Variants in SLC41A3 observed in about 807,000 individuals in gnomAD.
The protein encoded by SLC41A3 is SLC41A1-like 2.
In SLC41A3, 44 loss-of-function variants were observed where a neutral mutation model predicts 45.4. That is an observed-to-expected ratio of 0.97 (90% CI 0.76 to 1.25). The LOEUF is 1.25. SLC41A3 is among the 50% of genes most tolerant of loss of function. The pLI is 0.00. For synonymous variants in SLC41A3, 256 were observed against 252.4 expected (o/e 1.01, Z -0.13); for missense variants, 550 against 600.6 (o/e 0.92, Z 0.88).
At chr3:126,045,356 CAA>C (rs35447492) in intron 3 of SLC41A3, among the ~76,000 whole-genome samples, 94,346 of 145,450 alleles carry the variant, frequency 0.65, 31,358 homozygotes, top group East Asian at 0.81. Context: ...ATTGGTTCCT[CAA>C]AAAAAAAAAA....
intron 1 of SLC41A3, among the ~76,000 whole-genome samples, chr3:126,083,524 C>T (rs1274341093): frequency 6.6e-6 from 1 of 152,134 alleles, no homozygotes. Flanking sequence ...AGGTTTTCTT[C>T]ACCAGAGGTT....
intron 2 of SLC41A3, among the ~76,000 whole-genome samples, chr3:126,060,309 C>T (rs180689710): frequency 3.5e-4 from 54 of 152,234 alleles, no homozygotes; most frequent in Non-Finnish European, 6.2e-4. Context: ...ATCCCAGCTA[C>T]TCGGGAGGCT....
intron 1 of SLC41A3, among the ~76,000 whole-genome samples, chr3:126,082,876 G>A (rs551145508): frequency 2.6e-5 from 4 of 152,330 alleles, no homozygotes; most frequent in East Asian, 1.9e-4. Context: ...CAGGGAGGCC[G>A]CCAGGACCTC....
rs368411425 is a variant in SLC41A3, at chr3:126,068,106, T to G, written c.114A>C (p.Gly38=). 24 of 1,613,448 alleles carry G rather than the reference T, an allele frequency of 1.5e-5. No individual in the cohort carries two copies. Among genetic ancestry groups the G allele is most frequent in the Non-Finnish European group, 2.0e-5 (24 of 1,179,820 alleles). ...TTTGGCTCTCAGGGGCCCTGAGAGC[T>G]CCATCTTCTGAGGCTACAGGGAGTC... The part of the protein sequence containing the change: ...TGGLPVASED[G]ALRAPESQSV... The change falls in exon 2 of 11, where the codon GGA becomes GGC. Residue 38 remains glycine, a synonymous_variant. Coordinates refer to ENST00000360370, the MANE Select transcript of SLC41A3 (RefSeq NM_017836.4).
intron 6 of SLC41A3, among the ~76,000 whole-genome samples, chr3:126,022,036 A>C (rs1261360239): frequency 6.6e-6 from 1 of 152,206 alleles, no homozygotes; most frequent in Non-Finnish European, 1.5e-5. Flanking sequence ...TGACTGAAGC[A>C]AACAACACAC....
At chr3:126,080,281 G>C (rs1945085567) in intron 1 of SLC41A3, among the ~76,000 whole-genome samples, 1 of 152,000 alleles carries the variant, frequency 6.6e-6, no homozygotes. Flanking sequence ...ATAACCCACA[G>C]AATGGAAGAA....
intron 2 of SLC41A3, chr3:126,056,636 C>T (rs551286398): frequency 6.9e-5 from 104 of 1,500,394 alleles, no homozygotes; most frequent in South Asian, 2.3e-4. Context: ...CACACCAGGA[C>T]GCTGTTCCCA....
At position 126,007,044 on chromosome 3, in the gene SLC41A3, A is replaced by G; in HGVS notation, c.1436T>C (p.Ile479Thr). The G allele has an allele frequency of 6.2e-7, 1 of 1,614,186 alleles. No homozygotes were observed. The highest frequency in any genetic ancestry group is 1.1e-5 in the South Asian group (1 of 91,082). ...GGGAGGTCCAGATGCCAGTTCTGAG[A>G]TGCCACCCAGCTCTGCCTTGCTCTT... ...LLKSKAELGG[I>T]SELASGPP The change falls in exon 11 of 11, where the codon ATC (isoleucine) becomes ACC (threonine). Residue 479 changes from isoleucine to threonine, a missense_variant. Ile to Thr is a moderately conservative substitution (Grantham distance 89). Coordinates refer to ENST00000360370, the MANE Select transcript of SLC41A3 (RefSeq NM_017836.4).
chr3:126,056,283 C>T (rs1943653149), intron 2 of SLC41A3: 1 of 1,552,108 alleles, frequency 6.4e-7, no homozygotes, highest in Non-Finnish European at 8.8e-7. Flanking sequence ...TGTCTCCAGC[C>T]TGCCCTGTCT....
Position 126,050,962 on chromosome 3 carries a change from G to A in SLC41A3, c.362C>T (p.Ala121Val). The change falls in exon 3 of 11, where the codon GCA (alanine) becomes GTA (valine). Residue 121 changes from alanine (A) to valine (V), a missense_variant. Physicochemically the swap from Ala to Val is moderately conservative, Grantham distance 64 (BLOSUM62 0). Transcript: ENST00000360370. ...GLKGNLEMTL[A>V]SRLSTAANTG... The stretch of plus-strand genomic sequence containing the variant: ...ACTTACAGCTGTGGAGAGTCTGGAT[G>A]CCAGTGTCATCTCCAGGTTCCCCTT... The A allele has an allele frequency of 6.2e-7, 1 of 1,612,728 alleles. No individual in the cohort carries two copies. Among genetic ancestry groups the A allele is most frequent in the Non-Finnish European group, 8.5e-7 (1 of 1,179,410 alleles).
At chr3:126,098,017 A>G (rs997587341) in intron 1 of SLC41A3, among the ~76,000 whole-genome samples, 6 of 152,374 alleles carry the variant, frequency 3.9e-5, no homozygotes, top group Admixed American at 2.0e-4. Flanking sequence ...TAGCTTGGCA[A>G]AGAGCTGCTA....
chr3:126,006,367 T>C lies in SLC41A3; in HGVS notation c.*649A>G, dbSNP rs778666307. 1.3e-6 allele frequency: 2 copies of C among 1,580,164 alleles called. No homozygotes were observed. Among genetic ancestry groups the C allele is most frequent in the Non-Finnish European group, 1.7e-6 (2 of 1,157,402 alleles). ...TAAAGACATAAAGGGTCAAGTACAATATAATCTGTTTTATTTTACACTTCT... is the reference window on the plus strand; with the variant it reads ...TAAAGACATAAAGGGTCAAGTACAACATAATCTGTTTTATTTTACACTTCT... On this transcript the variant is annotated 3_prime_UTR_variant, in exon 11 of 11. Transcript: ENST00000360370.
At chr3:126,081,814 G>A (rs1945167548) in intron 1 of SLC41A3, among the ~76,000 whole-genome samples, 2 of 152,240 alleles carry the variant, frequency 1.3e-5, no homozygotes, top group Non-Finnish European at 2.9e-5. Context: ...CAGTCTTGGT[G>A]AGTCACTCAC....
chr3:126,068,848 G>A (rs1050926566), intron 1 of SLC41A3, among the ~76,000 whole-genome samples: 1 of 152,094 alleles, frequency 6.6e-6, no homozygotes, highest in Admixed American at 6.5e-5. Context: ...GGAGATCCCT[G>A]GAAGACCCCA....
intron 2 of SLC41A3, among the ~76,000 whole-genome samples, chr3:126,059,303 A>AAGG (rs1559870054): frequency 1.7e-4 from 20 of 114,662 alleles, no homozygotes; most frequent in Non-Finnish European, 2.7e-4. Context: ...AGAAAGAAAG[A>AAGG]AAGAAAGGAA....
chr3:126,014,249 T>C (rs1475751686), intron 8 of SLC41A3, among the ~76,000 whole-genome samples: 4 of 152,042 alleles, frequency 2.6e-5, no homozygotes, highest in African/African-American at 4.8e-5. Context: ...GCTTGGCCCA[T>C]ACATAATTTT....
At chr3:126,032,350 AT>A (rs1482522061) in intron 4 of SLC41A3, among the ~76,000 whole-genome samples, 1 of 152,184 alleles carries the variant, frequency 6.6e-6, no homozygotes, top group Non-Finnish European at 1.5e-5. Context: ...GAGAAGCGGA[AT>A]TCATGCACAA....
rs1317089737 is a variant in SLC41A3, at chr3:126,026,687, T to G, written c.454-208A>C. On this transcript the variant is annotated intron_variant, in intron 4 of 10. Transcript: ENST00000360370. This position sits in a 1 kb window ranked among gnomAD's most constrained non-coding sequence, Gnocchi z 4.2. ...GAACTCAACTCCTCCGAAACCACGC[T>G]GGCCACCTCTGCTCCCTTGCTAGGC... Among the ~76,000 whole-genome samples the G allele has an allele frequency of 1.3e-5, 2 of 152,168 alleles. No individual in the cohort carries two copies. Among genetic ancestry groups the G allele is most frequent in the Non-Finnish European group, 2.9e-5 (2 of 68,022 alleles).
chr3:126,043,968 C>T (rs1173791879), intron 3 of SLC41A3, among the ~76,000 whole-genome samples: 1 of 151,826 alleles, frequency 6.6e-6, no homozygotes, highest in African/African-American at 2.4e-5. Flanking sequence ...GGGTTAAATC[C>T]CTCAATCAAA....
Sources: allele counts gnomAD v4.1 joint callset (sites outside exome capture counted in the v4.1 genomes callset), GRCh38; gene constraint gnomAD v4.1.1; non-coding constraint Gnocchi (gnomAD v3.1); transcripts MANE v1.5; gene names NCBI Gene and HGNC (gene_info 2026-07-23, HGNC 2026-07-21).